CHCHD3: variants seen among roughly 807,000 people sequenced by gnomAD.
CHCHD3 encodes the protein coiled-coil-helix-coiled-coil-helix domain containing 3.
CHCHD3 carries 20 observed loss-of-function variants against 38.2 expected under a neutral mutation model. The observed-to-expected ratio is 0.52, with a 90% CI of 0.37 to 0.76. CHCHD3 has a LOEUF of 0.76. Ranked by LOEUF, CHCHD3 falls within the 30% of genes least tolerant of loss-of-function variation. The pLI, the probability that CHCHD3 is intolerant of heterozygous loss-of-function variation, is 0.00. For missense variants in CHCHD3, 245 were observed against 279.2 expected, an observed-to-expected ratio of 0.88 and a Z score of 0.87; for synonymous variants, 82 against 100.0, an observed-to-expected ratio of 0.82 and a Z score of 1.07.
chr7:132,942,441 C>A (rs548253117), intron 4 of CHCHD3, among the ~76,000 whole-genome samples: 27 of 152,086 alleles, frequency 1.8e-4, no homozygotes, highest in Non-Finnish European at 3.4e-4. Flanking sequence ...TTGACAGAAG[C>A]ATCAATTTTC....
chr7:133,076,274 T>C (rs1054378653), intron 1 of CHCHD3, among the ~76,000 whole-genome samples: 4 of 152,040 alleles, frequency 2.6e-5, no homozygotes, highest in Admixed American at 2.6e-4. Context: ...CCCACACACA[T>C]TGATACTGGG....
chr7:133,001,522 T>G (rs199847740), intron 3 of CHCHD3, among the ~76,000 whole-genome samples: 1 of 151,640 alleles, frequency 6.6e-6, no homozygotes, highest in Non-Finnish European at 1.5e-5. Context: ...AACTAAGTTG[T>G]TTTTTTTAAT....
intron 2 of CHCHD3, among the ~76,000 whole-genome samples, chr7:133,043,674 C>A (rs1813895544): frequency 6.6e-6 from 1 of 151,800 alleles, no homozygotes; most frequent in East Asian, 1.9e-4. Context: ...GACAAAATTC[C>A]CTTTCATGCT....
At chr7:132,799,914 C>A (rs1001921118) in intron 6 of CHCHD3, among the ~76,000 whole-genome samples, 1 of 152,152 alleles carries the variant, frequency 6.6e-6, no homozygotes, top group Non-Finnish European at 1.5e-5. Context: ...GCCCTCCCTA[C>A]CCCACACAGT....
At chr7:133,006,698 C>G (rs1812709552) in intron 3 of CHCHD3, among the ~76,000 whole-genome samples, 2 of 152,058 alleles carry the variant, frequency 1.3e-5, no homozygotes, top group Middle Eastern at 3.4e-3. Flanking sequence ...TTAGTATAAC[C>G]TTTGACCTAG....
At chr7:132,910,700 G>C (rs1014248631) in intron 4 of CHCHD3, among the ~76,000 whole-genome samples, 1 of 152,168 alleles carries the variant, frequency 6.6e-6, no homozygotes, top group Non-Finnish European at 1.5e-5. Context: ...GCACGTTACA[G>C]ATCAGAAAAG....
chr7:133,012,445 T>C (rs1285046195), intron 3 of CHCHD3, among the ~76,000 whole-genome samples: 1 of 152,164 alleles, frequency 6.6e-6, no homozygotes, highest in African/African-American at 2.4e-5. Flanking sequence ...AATTAAGGCA[T>C]AGTTTACTGG....
chr7:132,931,322 A>G (rs1002766440), intron 4 of CHCHD3, among the ~76,000 whole-genome samples: 12 of 152,344 alleles, frequency 7.9e-5, no homozygotes, highest in African/African-American at 2.6e-4. Flanking sequence ...CAAATATAAG[A>G]CAGTATTGTT....
At chr7:132,956,306 A>C (rs1286768208) in intron 4 of CHCHD3, among the ~76,000 whole-genome samples, 2 of 152,244 alleles carry the variant, frequency 1.3e-5, no homozygotes, top group African/African-American at 4.8e-5. Context: ...AGCTCTATTA[A>C]GGCAAAGATT....
chr7:132,898,491 G>A (rs1432111641), intron 4 of CHCHD3, among the ~76,000 whole-genome samples: 1 of 152,240 alleles, frequency 6.6e-6, no homozygotes, highest in Admixed American at 6.5e-5. Flanking sequence ...CCCTGAGCTA[G>A]ACACAAAGGT....
At chr7:133,046,091 C>T (rs982408777) in intron 2 of CHCHD3, among the ~76,000 whole-genome samples, 11 of 152,116 alleles carry the variant, frequency 7.2e-5, no homozygotes, top group African/African-American at 2.4e-4. Flanking sequence ...TGAGGTCTTA[C>T]ATTGTTTGCA....
intron 5 of CHCHD3, among the ~76,000 whole-genome samples, chr7:132,841,720 A>G (rs967060548): frequency 2.0e-5 from 3 of 152,230 alleles, no homozygotes; most frequent in Admixed American, 6.5e-5. Flanking sequence ...AGGATGCCAC[A>G]AAGTATGGGA....
intron 3 of CHCHD3, among the ~76,000 whole-genome samples, chr7:132,984,056 T>A (rs1645554976): frequency 6.7e-6 from 1 of 149,248 alleles, no homozygotes; most frequent in Non-Finnish European, 1.5e-5. Context: ...CCCCATGGTC[T>A]CCCTCTCCCC....
At chr7:132,928,129 A>G (rs1046052196) in intron 4 of CHCHD3, among the ~76,000 whole-genome samples, 1 of 152,126 alleles carries the variant, frequency 6.6e-6, no homozygotes, top group Non-Finnish European at 1.5e-5. Flanking sequence ...CCATCTTCCT[A>G]GTCAGAATGA....
chr7:133,035,333 G>A lies in CHCHD3; in HGVS notation c.170-10706C>T. 1.9e-6 allele frequency: 3 copies of A among 1,610,696 alleles called. No homozygotes were observed. The Admixed American group carries it at 5.0e-5, about 27-fold the overall frequency. ...CCAAGACAGCCCGGAACTGGGGCTG[G>A]TTAATGCAGGTGAGGAACCAGCGGT... On this transcript the variant is annotated intron_variant, in intron 2 of 7. Transcript: ENST00000262570. This position sits in a 1 kb window ranked among gnomAD's most constrained non-coding sequence, Gnocchi z 4.7.
At chr7:132,863,698 A>C (rs1027339169) in intron 5 of CHCHD3, among the ~76,000 whole-genome samples, 7 of 152,218 alleles carry the variant, frequency 4.6e-5, no homozygotes, top group African/African-American at 1.7e-4. Flanking sequence ...TGTTCAGTGT[A>C]GTCACCTTCA....
At chr7:132,790,404 G>A (rs60792419) in intron 7 of CHCHD3, among the ~76,000 whole-genome samples, 5 of 152,132 alleles carry the variant, frequency 3.3e-5, no homozygotes, top group Admixed American at 1.3e-4. Context: ...TTTAAAAAAA[G>A]AGAAAATGTC....
intron 2 of CHCHD3, chr7:133,034,581 G>A (rs1221718443): frequency 1.3e-6 from 2 of 1,486,524 alleles, no homozygotes; most frequent in Admixed American, 1.8e-5. Context: ...GGCAGGTGCA[G>A]GCAGCTAGGT....
chr7:133,024,509 A>C, intron 3 of CHCHD3, 37 bp downstream of exon 3: 1 of 1,427,300 alleles, frequency 7.0e-7, no homozygotes, highest in Non-Finnish European at 9.9e-7. Flanking sequence ...ATATGACAAA[A>C]CCCACCAAAA....
Sources: allele counts gnomAD v4.1 joint callset (sites outside exome capture counted in the v4.1 genomes callset), GRCh38; gene constraint gnomAD v4.1.1; non-coding constraint Gnocchi (gnomAD v3.1); transcripts MANE v1.5; gene names NCBI Gene and HGNC (gene_info 2026-07-23, HGNC 2026-07-21).